The following MEGF11 variants were observed in gnomAD, a reference collection of about 807,000 sequenced individuals.
MEGF11 encodes the protein multiple EGF like domains 11, also known as multiple epidermal growth factor-like domains protein 11.
Under a neutral mutation model 146.6 loss-of-function variants are expected in MEGF11, and 126 were observed. The ratio of observed to expected loss-of-function variants is 0.86; its 90% CI spans 0.74 to 1.00. The LOEUF (loss-of-function observed/expected upper bound fraction) is 1.00, where lower values mean the gene tolerates loss of function less well. Ranked by LOEUF, MEGF11 falls within the 50% of genes least tolerant of loss-of-function variation. The probability of loss-of-function intolerance (pLI) is 0.00; values close to 1 mark genes in which losing one functional copy is unlikely to be tolerated. For synonymous variants in MEGF11, 532 were observed against 583.4 expected (o/e 0.91, Z 1.27); for missense variants, 1,509 against 1,521.2 (o/e 0.99, Z 0.13).
At chr15:65,967,314 C>T (rs1234081056) in intron 8 of MEGF11, among the ~76,000 whole-genome samples, 2 of 151,930 alleles carry the variant, frequency 1.3e-5, no homozygotes, top group Non-Finnish European at 2.9e-5. Flanking sequence ...ATGAAAAAGC[C>T]CAAAGGGAAA....
intron 1 of MEGF11, among the ~76,000 whole-genome samples, chr15:66,185,463 T>C (rs1015724135): frequency 6.6e-6 from 1 of 152,234 alleles, no homozygotes; most frequent in African/African-American, 2.4e-5. Flanking sequence ...CATTTCCTTT[T>C]TGGGCTTGGA....
intron 5 of MEGF11, among the ~76,000 whole-genome samples, chr15:66,014,539 C>T (rs2082817812): frequency 6.6e-6 from 1 of 152,282 alleles, no homozygotes; most frequent in African/African-American, 2.4e-5. Context: ...CTTGTAAAAA[C>T]AAATCTGGGA....
chr15:66,226,749 G>A (rs1182580851), intron 1 of MEGF11, among the ~76,000 whole-genome samples: 3 of 152,098 alleles, frequency 2.0e-5, no homozygotes, highest in Non-Finnish European at 2.9e-5. Flanking sequence ...CACTGGGGGG[G>A]CTTGGAACAT....
chr15:66,094,633 A>T lies in MEGF11; in HGVS notation c.302-139T>A, dbSNP rs59704097. 115 of 657,918 alleles carry T rather than the reference A, an allele frequency of 1.7e-4. No homozygotes were observed. In the Admixed American group the frequency reaches 1.9e-3, roughly 11 times the overall value. 40.8% of individuals were successfully genotyped at this position (657,918 alleles called of 1,614,324 possible). A position where few individuals can be genotyped will look rare whatever the true frequency, so the allele number is the denominator to read the frequency against. ...GAACGCATGACTGGCTTGGGGGGGAAAATCAAGCTACACCTGACCTGAGTT... is the reference window on the plus strand; with the variant it reads ...GAACGCATGACTGGCTTGGGGGGGATAATCAAGCTACACCTGACCTGAGTT... On this transcript the variant is annotated intron_variant, in intron 4 of 25. Coordinates refer to ENST00000395614, the MANE Select transcript of MEGF11 (RefSeq NM_001385028.1).
intron 5 of MEGF11, among the ~76,000 whole-genome samples, chr15:66,062,710 A>G (rs1454104944): frequency 2.0e-5 from 3 of 152,216 alleles, no homozygotes; most frequent in Non-Finnish European, 4.4e-5. Flanking sequence ...AATATGTGGG[A>G]GTTCTTTCTA....
Position 66,061,100 on chromosome 15 carries a change from G to A in MEGF11, c.394+33302C>T, listed in dbSNP as rs148313825. 3.8e-3 allele frequency among the ~76,000 whole-genome samples: 573 copies of A among 152,300 alleles called. 9 individuals are homozygous for A. Among genetic ancestry groups the A allele is most frequent in the African/African-American group, 0.013 (548 of 41,568 alleles). On this transcript the variant is annotated intron_variant, in intron 5 of 25. Coordinates refer to ENST00000395614, the MANE Select transcript of MEGF11 (RefSeq NM_001385028.1). Reference sequence around the variant, plus strand: ...GTTACAGAGACCTGGGCCTCAGGAAGGATTAAAACAATGTGACTCCCAGGC... The same window carrying A: ...GTTACAGAGACCTGGGCCTCAGGAAAGATTAAAACAATGTGACTCCCAGGC...
Position 65,982,333 on chromosome 15 carries a change from C to T in MEGF11, c.550G>A (p.Gly184Arg), listed in dbSNP as rs1404095661. The change falls in exon 6 of 26, where the codon GGA becomes AGA. Residue 184 changes from glycine to arginine, a missense_variant. Gly to Arg is a moderately radical substitution (Grantham distance 125). Coordinates refer to ENST00000395614, the MANE Select transcript of MEGF11 (RefSeq NM_001385028.1). The surrounding 1 kb of genome is among the most constrained non-coding windows in gnomAD (Gnocchi z 5.6). ...ELCAPGTHGK[G>R]CQLPCQCRHG... ...CGGCACTGGCACGGCAGCTGGCATC[C>T]CTTGCCGTGGGTGCCAGGTGCGCAG... The T allele has an allele frequency of 5.9e-6, 9 of 1,530,564 alleles. No individual in the cohort carries two copies. The African/African-American group carries it at 1.1e-4, about 19-fold the overall frequency. The allele number at this position is 1,530,564 out of a possible 1,614,324, so 94.8% of individuals were successfully genotyped here. A position where few individuals can be genotyped will look rare whatever the true frequency, so the allele number is the denominator to read the frequency against.
chr15:65,955,793 T>TATATATATATATATATATATAC (rs1555455862), intron 10 of MEGF11, among the ~76,000 whole-genome samples: 1 of 6,776 alleles, frequency 1.5e-4, no homozygotes, highest in African/African-American at 3.2e-4. Context: ...TATATATATA[T>TATATATATATATATATATATAC]ACACACACAC....
chr15:66,110,222 T>C (rs1194963378), intron 4 of MEGF11, among the ~76,000 whole-genome samples: 1 of 152,226 alleles, frequency 6.6e-6, no homozygotes, highest in Non-Finnish European at 1.5e-5. Context: ...CAATTATTTA[T>C]TGAGGGCCTG....
chr15:66,222,344 A>G (rs965576082), intron 1 of MEGF11, among the ~76,000 whole-genome samples: 1 of 151,822 alleles, frequency 6.6e-6, no homozygotes, highest in African/African-American at 2.4e-5. Context: ...TCCAGAGCAA[A>G]TTCTTCCACT....
chr15:66,176,676 T>C (rs1025763561), intron 1 of MEGF11, among the ~76,000 whole-genome samples: 7 of 152,120 alleles, frequency 4.6e-5, no homozygotes, highest in African/African-American at 1.4e-4. Flanking sequence ...CTAAACTTTG[T>C]TTTTGGAAAG....
chr15:66,093,163 A>G (rs556824558), intron 5 of MEGF11, among the ~76,000 whole-genome samples: 29 of 152,294 alleles, frequency 1.9e-4, no homozygotes, highest in African/African-American at 6.7e-4. Context: ...GGTTTCTTGG[A>G]TACCTCAAAC....
intron 5 of MEGF11, among the ~76,000 whole-genome samples, chr15:66,024,245 C>T (rs1182768267): frequency 6.6e-6 from 1 of 152,250 alleles, no homozygotes; most frequent in African/African-American, 2.4e-5. Flanking sequence ...ACATGGCTGC[C>T]CAGAACAAGT....
At chr15:66,192,893 T>A (rs1283132295) in intron 1 of MEGF11, among the ~76,000 whole-genome samples, 1 of 152,238 alleles carries the variant, frequency 6.6e-6, no homozygotes, top group East Asian at 1.9e-4. Flanking sequence ...TATAATTTGG[T>A]ACTAGCTATT....
intron 13 of MEGF11, among the ~76,000 whole-genome samples, chr15:65,923,641 A>T (rs138663201): frequency 1.9e-3 from 288 of 152,336 alleles, no homozygotes; most frequent in African/African-American, 6.5e-3. Context: ...TTTTCTCTGT[A>T]CTATGATGTA....
At chr15:65,929,694 C>G (rs1389980144) in intron 12 of MEGF11, 26 bp downstream of exon 12, 2 of 1,543,602 alleles carry the variant, frequency 1.3e-6, no homozygotes, top group Non-Finnish European at 1.8e-6. Context: ...GGAGCCCAAC[C>G]TGTCCCTCCC....
At chr15:66,082,466 AATCT>A (rs200466707) in intron 5 of MEGF11, among the ~76,000 whole-genome samples, 14,345 of 71,736 alleles carry the variant, frequency 0.2, 1,949 homozygotes, top group East Asian at 0.28. Flanking sequence ...AAAAAAAAAA[AATCT>A]ATCTATCTAT....
At chr15:66,102,081 C>T (rs936531906) in intron 4 of MEGF11, among the ~76,000 whole-genome samples, 1 of 151,590 alleles carries the variant, frequency 6.6e-6, no homozygotes, top group Non-Finnish European at 1.5e-5. Flanking sequence ...ATAAAGCAAT[C>T]ACATCCAGCC....
intron 5 of MEGF11, among the ~76,000 whole-genome samples, chr15:66,082,479 A>G (rs995969066): frequency 8.6e-6 from 1 of 116,664 alleles, no homozygotes; most frequent in South Asian, 3.0e-4. Context: ...CTATCTATCT[A>G]TCTATCTATC....
Sources: allele counts gnomAD v4.1 joint callset (sites outside exome capture counted in the v4.1 genomes callset), GRCh38; gene constraint gnomAD v4.1.1; non-coding constraint Gnocchi (gnomAD v3.1); transcripts MANE v1.5; gene names NCBI Gene and HGNC (gene_info 2026-07-23, HGNC 2026-07-21).